The following CECR2 variants were observed in gnomAD, a reference collection of about 807,000 sequenced individuals.
CECR2 encodes CECR2 histone acetyl-lysine reader.
In CECR2, 30 loss-of-function variants were observed where a neutral mutation model predicts 154.5. The ratio of observed to expected loss-of-function variants is 0.19; its 90% CI spans 0.15 to 0.26. The LOEUF (loss-of-function observed/expected upper bound fraction) is 0.26, where lower values mean the gene tolerates loss of function less well. CECR2 is among the 10% of genes least tolerant of loss of function. The pLI is 1.00. For synonymous variants in CECR2, 725 were observed against 683.7 expected (o/e 1.06, Z -0.94); for missense variants, 1,743 against 1,829.3 (o/e 0.95, Z 0.86).
Position 17,539,049 on chromosome 22 carries a change from C to T in CECR2, c.1425C>T (p.Thr475=). ...EKKLNGGLYC[T]KEEFVNDMKT... ...AACTGAATGGAGGTTTATACTGTAC[C>T]AAGGAGGAATTTGTAAATGACATGA... The change falls in exon 13 of 19, where the codon ACC becomes ACT. Residue 475 remains threonine (T), a synonymous_variant. Transcript: ENST00000262608. The T allele has an allele frequency of 6.2e-7, 1 of 1,613,690 alleles. No individual in the cohort carries two copies.
chr22:17,537,731 G>A (rs1440179545), intron 10 of CECR2, among the ~76,000 whole-genome samples: 2 of 152,080 alleles, frequency 1.3e-5, no homozygotes, highest in South Asian at 2.1e-4. Context: ...CCGGGCTCAC[G>A]CCTGTAATCC....
chr22:17,528,902 G>T (rs1305846841), intron 9 of CECR2, among the ~76,000 whole-genome samples: 2 of 152,142 alleles, frequency 1.3e-5, no homozygotes, highest in Admixed American at 6.5e-5. Context: ...TAATAGTGGT[G>T]AGTGATCTGA....
At chr22:17,541,792 C>T in intron 14 of CECR2, 47 bp from the exon 15 acceptor site, 5 of 1,569,306 alleles carry the variant, frequency 3.2e-6, no homozygotes, top group Non-Finnish European at 4.3e-6. Flanking sequence ...AACCTAAAGT[C>T]TGTGCCTTTC....
At chr22:17,431,833 G>A (rs1335332667) in intron 1 of CECR2, among the ~76,000 whole-genome samples, 2 of 151,960 alleles carry the variant, frequency 1.3e-5, no homozygotes, top group Non-Finnish European at 2.9e-5. Flanking sequence ...TAACTCATTT[G>A]AAGTATACAG....
chr22:17,465,603 A>G (rs756573913), intron 1 of CECR2, among the ~76,000 whole-genome samples: 64 of 150,398 alleles, frequency 4.3e-4, no homozygotes, highest in Non-Finnish European at 8.4e-4. Flanking sequence ...TCCTGGCTCA[A>G]CCTCCTGAGT....
At chr22:17,396,334 C>A (rs1456788890) in intron 1 of CECR2, among the ~76,000 whole-genome samples, 2 of 151,970 alleles carry the variant, frequency 1.3e-5, no homozygotes. Flanking sequence ...CACCTGAGTT[C>A]AGGAGTTTGA....
chr22:17,370,438 G>A (rs2063044750), intron 1 of CECR2, among the ~76,000 whole-genome samples: 1 of 151,722 alleles, frequency 6.6e-6, no homozygotes, highest in East Asian at 1.9e-4. Flanking sequence ...GAGGCCCCAA[G>A]CTCCCGGGAG....
chr22:17,540,094 A>G (rs1014173145), intron 13 of CECR2, among the ~76,000 whole-genome samples: 1 of 152,118 alleles, frequency 6.6e-6, no homozygotes, highest in African/African-American at 2.4e-5. Context: ...TGGCCTCCCA[A>G]AGTGCTGGGA....
At chr22:17,460,465 C>T (rs1011544147) in intron 1 of CECR2, among the ~76,000 whole-genome samples, 3 of 152,232 alleles carry the variant, frequency 2.0e-5, no homozygotes, top group African/African-American at 7.2e-5. Flanking sequence ...CCGTCTCGGC[C>T]TCCCAAAGTG....
intron 13 of CECR2, 54 bp downstream of exon 13, chr22:17,539,173 G>A: frequency 6.3e-7 from 1 of 1,590,592 alleles, no homozygotes; most frequent in Non-Finnish European, 8.6e-7. Context: ...AGAATAAAAT[G>A]CCTTCTCTTT....
At chr22:17,475,203 A>G (rs181087192) in intron 1 of CECR2, among the ~76,000 whole-genome samples, 3 of 152,222 alleles carry the variant, frequency 2.0e-5, no homozygotes, top group East Asian at 3.9e-4. Flanking sequence ...CAGCAGAGGG[A>G]CGGGATTTCC....
At chr22:17,471,022 C>A (rs2055118729) in intron 1 of CECR2, among the ~76,000 whole-genome samples, 1 of 152,156 alleles carries the variant, frequency 6.6e-6, no homozygotes, top group African/African-American at 2.4e-5. Context: ...CAGCTCTGAA[C>A]ATAAATTCTC....
intron 1 of CECR2, among the ~76,000 whole-genome samples, chr22:17,422,104 T>C (rs961834356): frequency 1.8e-4 from 28 of 152,030 alleles, no homozygotes; most frequent in African/African-American, 3.1e-4. Flanking sequence ...TGTTTTTTTT[T>C]CCCCCCTCTG....
At chr22:17,465,236 TCCGC>T (rs1053092465) in intron 1 of CECR2, among the ~76,000 whole-genome samples, 4 of 152,122 alleles carry the variant, frequency 2.6e-5, no homozygotes, top group African/African-American at 9.7e-5. Flanking sequence ...GACCTCGTGA[TCCGC>T]CCGCCTCGGC....
Position 17,458,080 on chromosome 22 carries a change from T to A in CECR2, c.127-19508T>A, listed in dbSNP as rs989314100. ...TGTGGTGATAGCACTGTTCTTCATC[T>A]TAATTGTGGGGGTGGCTGCATGACT... is the stretch of plus-strand genomic sequence containing the variant. On this transcript the variant is annotated intron_variant, in intron 1 of 18. Transcript: ENST00000262608. Among the ~76,000 whole-genome samples, 5 of 152,070 alleles carry A rather than the reference T, an allele frequency of 3.3e-5. 1 individual carries two copies. Among genetic ancestry groups the A allele is most frequent in the Non-Finnish European group, 7.4e-5 (5 of 68,002 alleles).
intron 8 of CECR2, among the ~76,000 whole-genome samples, chr22:17,515,009 C>A: frequency 7.0e-6 from 1 of 142,222 alleles, no homozygotes. Flanking sequence ...GGCGACAGAG[C>A]AAGACTCCGT....
rs548839523 is a variant in CECR2, at chr22:17,479,289, G to A, written c.221+1607G>A. ...AGCCTTAAATGATCAGTGCGTGAGA[G>A]TGTCTGCTTGGATGATCCTTGTGAG... is the stretch of plus-strand genomic sequence containing the variant. On this transcript the variant is annotated intron_variant, in intron 2 of 18. Coordinates refer to ENST00000262608, the MANE Select transcript of CECR2 (RefSeq NM_001290047.2). Among the ~76,000 whole-genome samples the A allele has an allele frequency of 2.6e-5, 4 of 152,312 alleles. No individual in the cohort carries two copies. The East Asian group carries it at 7.7e-4, about 29-fold the overall frequency.
intron 2 of CECR2, among the ~76,000 whole-genome samples, chr22:17,478,739 G>C (rs2055254564): frequency 6.6e-6 from 1 of 152,188 alleles, no homozygotes; most frequent in African/African-American, 2.4e-5. Flanking sequence ...TAAAGTTGTA[G>C]ACAAGGTAAG....
intron 8 of CECR2, among the ~76,000 whole-genome samples, chr22:17,513,278 T>C (rs17741273): frequency 0.024 from 3,727 of 152,364 alleles, 98 homozygotes; most frequent in South Asian, 0.083. Context: ...CACTCTTTCA[T>C]CGAATATTTA....
Sources: gnomAD v4.1 joint callset for allele counts (sites outside exome capture counted in the v4.1 genomes callset) on GRCh38, gnomAD v4.1.1 for gene constraint, MANE v1.5 for transcripts, NCBI Gene and HGNC (gene_info 2026-07-23, HGNC 2026-07-21) for gene names.